PHLPP1: variants seen among roughly 807,000 people sequenced by gnomAD.
The protein encoded by PHLPP1 is PH domain and leucine rich repeat protein phosphatase 1, also known as PH domain leucine-rich repeat-containing protein phosphatase 1.
In PHLPP1, 42 loss-of-function variants were observed where a neutral mutation model predicts 117.2. That is an observed-to-expected ratio of 0.36 (90% CI 0.28 to 0.46). The LOEUF (loss-of-function observed/expected upper bound fraction) is 0.46, where lower values mean the gene tolerates loss of function less well. Among genes scored for constraint, PHLPP1 ranks in the 20% least tolerant of loss-of-function variants. PHLPP1 has a pLI of 1.00. For missense variants in PHLPP1, 2,084 were observed against 2,241.9 expected (o/e 0.93, Z 1.42); for synonymous variants, 1,042 against 970.7 (o/e 1.07, Z -1.37).
At chr18:62,803,977 T>G (rs1482234536) in intron 1 of PHLPP1, among the ~76,000 whole-genome samples, 3 of 152,058 alleles carry the variant, frequency 2.0e-5, no homozygotes, top group African/African-American at 7.2e-5. Flanking sequence ...GGTGGGTGGG[T>G]GTGTGTATTA....
At chr18:62,930,123 C>A (rs1204734551) in intron 10 of PHLPP1, among the ~76,000 whole-genome samples, 1 of 152,098 alleles carries the variant, frequency 6.6e-6, no homozygotes, top group Admixed American at 6.5e-5. Context: ...GGGATAAGGT[C>A]ATTTAATAAG....
intron 6 of PHLPP1, among the ~76,000 whole-genome samples, chr18:62,897,672 AG>A (rs770091846): frequency 2.0e-5 from 3 of 151,936 alleles, no homozygotes; most frequent in African/African-American, 2.4e-5. Context: ...ACACCTGGCT[AG>A]TTTTTGTATT....
chr18:62,751,565 T>A (rs1911855160), intron 1 of PHLPP1, among the ~76,000 whole-genome samples: 1 of 152,178 alleles, frequency 6.6e-6, no homozygotes, highest in Admixed American at 6.5e-5. Flanking sequence ...AAAGACTGAA[T>A]CCATTAACTA....
chr18:62,934,060 G>T (rs1909898229), intron 10 of PHLPP1, among the ~76,000 whole-genome samples: 1 of 151,976 alleles, frequency 6.6e-6, no homozygotes, highest in Admixed American at 6.6e-5. Flanking sequence ...TGACTATTAA[G>T]TCAAAATATA....
chr18:62,765,873 C>T (rs1312046004), intron 1 of PHLPP1, among the ~76,000 whole-genome samples: 1 of 150,414 alleles, frequency 6.6e-6, no homozygotes, highest in African/African-American at 2.4e-5. Context: ...TGGCAGGTGC[C>T]TGTAGTCCCA....
At chr18:62,847,912 C>T (rs1017799999) in intron 3 of PHLPP1, among the ~76,000 whole-genome samples, 2 of 152,208 alleles carry the variant, frequency 1.3e-5, no homozygotes, top group African/African-American at 4.8e-5. Context: ...TCTGGTAAAA[C>T]GCAAGAAAAT....
rs952822209 is a variant in PHLPP1 at position 62,734,624 on chromosome 18, A to T, written c.1576+17365A>T. On this transcript the variant is annotated intron_variant, in intron 1 of 16. Transcript: ENST00000262719. ...TGAGAAACACCATGGTAACAAAAAA[A>T]ATTATTTCAGCCTGTCTGACTAAAA... 2.6e-5 allele frequency among the ~76,000 whole-genome samples: 4 copies of T among 152,220 alleles called. No individual in the cohort carries two copies. In the South Asian group the frequency reaches 8.3e-4, roughly 32 times the overall value.
chr18:62,851,621 C>T (rs1010382294), intron 3 of PHLPP1, among the ~76,000 whole-genome samples: 8 of 151,962 alleles, frequency 5.3e-5, no homozygotes, highest in Non-Finnish European at 8.8e-5. Flanking sequence ...CCACCACACC[C>T]GGCTAATATT....
At chr18:62,740,048 A>G (rs559577407) in intron 1 of PHLPP1, among the ~76,000 whole-genome samples, 1 of 152,164 alleles carries the variant, frequency 6.6e-6, no homozygotes, top group Non-Finnish European at 1.5e-5. Context: ...GCTGATTGCC[A>G]AACTTGGTTT....
intron 3 of PHLPP1, among the ~76,000 whole-genome samples, chr18:62,850,118 G>A (rs932165650): frequency 6.7e-6 from 1 of 149,688 alleles, no homozygotes; most frequent in African/African-American, 2.5e-5. Flanking sequence ...GGCCGGGTGT[G>A]GTGGCTCACG....
chr18:62,856,697 G>A (rs933320076), intron 3 of PHLPP1, among the ~76,000 whole-genome samples: 38 of 152,186 alleles, frequency 2.5e-4, no homozygotes, highest in African/African-American at 8.7e-4. Context: ...GCCTCCCAAA[G>A]TGCTGGGATT....
At chr18:62,921,936 A>G (rs908253342) in intron 10 of PHLPP1, among the ~76,000 whole-genome samples, 2 of 152,188 alleles carry the variant, frequency 1.3e-5, no homozygotes, top group African/African-American at 4.8e-5. Flanking sequence ...AAAGAAAATT[A>G]TTTTCAGTGT....
At chr18:62,809,501 C>A (rs929377661) in intron 1 of PHLPP1, among the ~76,000 whole-genome samples, 4 of 152,108 alleles carry the variant, frequency 2.6e-5, no homozygotes, top group African/African-American at 9.7e-5. Flanking sequence ...GAGATGGAGA[C>A]CATCCTGGCC....
At chr18:62,810,679 G>C (rs1914087544) in intron 1 of PHLPP1, among the ~76,000 whole-genome samples, 1 of 152,180 alleles carries the variant, frequency 6.6e-6, no homozygotes, top group East Asian at 1.9e-4. Flanking sequence ...CAGGTTGGCT[G>C]TGGGTAACTG....
At chr18:62,883,668 GT>G (rs550580359) in intron 4 of PHLPP1, among the ~76,000 whole-genome samples, 1 of 152,104 alleles carries the variant, frequency 6.6e-6, no homozygotes, top group Non-Finnish European at 1.5e-5. Context: ...GGGGCCATCA[GT>G]TATACTTTTA....
chr18:62,882,555 G>A (rs951980828), intron 4 of PHLPP1, among the ~76,000 whole-genome samples: 28 of 152,118 alleles, frequency 1.8e-4, no homozygotes, highest in African/African-American at 4.3e-4. Context: ...CACCGCGCCC[G>A]GCCATTCACT....
chr18:62,790,653 G>T (rs1010127790), intron 1 of PHLPP1, among the ~76,000 whole-genome samples: 2 of 152,162 alleles, frequency 1.3e-5, no homozygotes, highest in African/African-American at 4.8e-5. Flanking sequence ...CAGCATTTAA[G>T]TGGAACAAAT....
rs777259107 is a variant in PHLPP1 at position 62,838,792 on chromosome 18, A to G, written c.1782A>G (p.Glu594=). Reference sequence around the variant, plus strand: ...TCTGTTTGCTTTTATAGGTAGAAGAAGTGAAAAAGCACCAACACTGTTTAG... The same window carrying G: ...TCTGTTTGCTTTTATAGGTAGAAGAGGTGAAAAAGCACCAACACTGTTTAG... The part of the protein sequence containing the change: ...VLPLIGGKVE[E]VKKHQHCLAF... The change falls in exon 3 of 17, where the codon GAA becomes GAG. Residue 594 remains glutamate (E), a synonymous_variant. Transcript: ENST00000262719. 1.2e-6 allele frequency: 2 copies of G among 1,613,828 alleles called. No individual in the cohort carries two copies. Among genetic ancestry groups the G allele is most frequent in the Non-Finnish European group, 1.7e-6 (2 of 1,179,770 alleles).
intron 1 of PHLPP1, among the ~76,000 whole-genome samples, chr18:62,778,307 G>T (rs1272511924): frequency 6.6e-6 from 1 of 152,226 alleles, no homozygotes; most frequent in African/African-American, 2.4e-5. Context: ...TTGAAGGGCA[G>T]ACTGGGCAGC....
Sources: allele counts gnomAD v4.1 joint callset (sites outside exome capture counted in the v4.1 genomes callset), GRCh38; gene constraint gnomAD v4.1.1; transcripts MANE v1.5; gene names NCBI Gene and HGNC (gene_info 2026-07-23, HGNC 2026-07-21).